Variants in BPIFB6 observed in about 807,000 individuals in gnomAD.
BPIFB6 encodes BPI fold-containing family B member 6.
BPIFB6 carries 47 observed loss-of-function variants against 54.7 expected under a neutral mutation model. The observed-to-expected ratio is 0.86, with a 90% confidence interval of 0.68 to 1.10. The LOEUF is 1.10. BPIFB6 is among the 50% of genes least tolerant of loss of function. The pLI is 0.00. For synonymous variants in BPIFB6, 255 were observed against 225.9 expected (o/e 1.13, Z -1.16); for missense variants, 603 against 564.1 (o/e 1.07, Z -0.70).
At chr20:33,041,807 G>A (rs1007123202) in intron 11 of BPIFB6, among the ~76,000 whole-genome samples, 163 bp from the exon 12 acceptor site, 2 of 152,174 alleles carry the variant, frequency 1.3e-5, no homozygotes, top group Non-Finnish European at 2.9e-5. Context: ...ATCACAGGTA[G>A]CAGGCAAGCA....
chr20:33,037,538 T>A, intron 7 of BPIFB6, 24 bp from the exon 8 acceptor site: 2 of 1,587,364 alleles, frequency 1.3e-6, no homozygotes. Context: ...CAAGGCTGAG[T>A]GTCTCCCTCC....
chr20:33,038,773 TTTAG>T, intron 8 of BPIFB6, 132 bp from the exon 9 acceptor site: 1 of 841,682 alleles, frequency 1.2e-6, no homozygotes. Context: ...AGGCACAATA[TTTAG>T]TTAAACTCAG....
chr20:33,043,412 G>A, intron 14 of BPIFB6, 45 bp downstream of exon 14: 2 of 1,553,252 alleles, frequency 1.3e-6, no homozygotes, highest in Non-Finnish European at 1.8e-6. Flanking sequence ...AACACTGTCA[G>A]CCAGTGAGTG....
At chr20:33,035,819 T>C in intron 6 of BPIFB6, 147 bp downstream of exon 6, 1 of 835,336 alleles carries the variant, frequency 1.2e-6, no homozygotes, top group East Asian at 2.6e-5. Flanking sequence ...ATCCCCCCAC[T>C]GTCCCGATGG....
chr20:33,036,324 C>CT, intron 6 of BPIFB6, 121 bp from the exon 7 acceptor site: 1 of 757,974 alleles, frequency 1.3e-6, no homozygotes, highest in Non-Finnish European at 2.3e-6. Context: ...CCCAGAAGTG[C>CT]TAAGGAATTT....
At position 33,039,477 on chromosome 20, in the gene BPIFB6, G is replaced by T. The variant is rs753717166; in HGVS notation, c.1031G>T (p.Arg344Leu). The change falls in exon 10 of 15, where the codon CGG (arginine) becomes CTG (leucine). Residue 344 changes from arginine (R) to leucine (L), a missense_variant. Physicochemically the swap from Arg to Leu is moderately radical, Grantham distance 102. Transcript: ENST00000349552. ...LHSTLEMFAARWRSKAPMSLF... is the reference protein window; with the variant it reads ...LHSTLEMFAALWRSKAPMSLF... ...AGCACCCTGGAGATGTTCGCAGCTC[G>T]GTGGCGGAGCAAGGCTCCAATGTCC... is the stretch of plus-strand genomic sequence containing the variant. The T allele has an allele frequency of 6.2e-7, 1 of 1,613,930 alleles. No homozygotes were observed. Among genetic ancestry groups the T allele is most frequent in the Non-Finnish European group, 8.5e-7 (1 of 1,179,912 alleles).
chr20:33,034,736 A>G, intron 3 of BPIFB6, 27 bp from the exon 4 acceptor site: 1 of 1,578,506 alleles, frequency 6.3e-7, no homozygotes, highest in East Asian at 2.3e-5. Context: ...AGAGATGCCC[A>G]TGGTGCCCTC....
intron 10 of BPIFB6, among the ~76,000 whole-genome samples, chr20:33,039,824 G>T (rs1207831332): frequency 1.3e-5 from 2 of 152,218 alleles, no homozygotes; most frequent in Non-Finnish European, 2.9e-5. Flanking sequence ...CCAATTTGGG[G>T]AAATCACAAA....
At position 33,039,375 on chromosome 20, in the gene BPIFB6, C is replaced by T. The variant is rs370022331; in HGVS notation, c.929C>T (p.Pro310Leu). The change falls in exon 10 of 15, where the codon CCC becomes CTC. Residue 310 changes from proline (P) to leucine (L), a missense_variant. Pro to Leu is a moderately conservative substitution (Grantham distance 98). Transcript: ENST00000349552. ...GCTGTAGCTTATCCCAAGTCAAAGC[C>T]CTTGACGACCCAGATCAAGATAAAG... The part of the protein sequence containing the change: ...EVAVAYPKSK[P>L]LTTQIKIKKP... 1.1e-5 allele frequency: 17 copies of T among 1,613,266 alleles called. No individual in the cohort carries two copies. The African/African-American group carries it at 2.0e-4, about 19-fold the overall frequency.
At chr20:33,041,893 CT>C (rs1240687883) in intron 11 of BPIFB6, 76 bp from the exon 12 acceptor site, 1 of 1,399,158 alleles carries the variant, frequency 7.1e-7, no homozygotes, top group Non-Finnish European at 1.0e-6. Flanking sequence ...TTGGGACCCC[CT>C]TCTCCAGCGC....
intron 8 of BPIFB6, 62 bp downstream of exon 8, chr20:33,037,800 GT>G: frequency 6.4e-7 from 1 of 1,563,658 alleles, no homozygotes. Flanking sequence ...TCCCTGCCTA[GT>G]TTTTCTATCA....
At chr20:33,043,704 A>G (rs1979687435) in intron 14 of BPIFB6, among the ~76,000 whole-genome samples, 1 of 152,242 alleles carries the variant, frequency 6.6e-6, no homozygotes, top group African/African-American at 2.4e-5. Flanking sequence ...CTAAAGGCAC[A>G]TAGTAAGTGC....
chr20:33,043,182 C>A (rs895526246), intron 13 of BPIFB6, 109 bp from the exon 14 acceptor site: 46 of 942,920 alleles, frequency 4.9e-5, no homozygotes, highest in African/African-American at 2.6e-4. Flanking sequence ...AGCTGGCAGG[C>A]ATCATGAATC....
intron 7 of BPIFB6, 84 bp downstream of exon 7, chr20:33,036,620 C>A: frequency 7.7e-7 from 1 of 1,306,122 alleles, no homozygotes; most frequent in Non-Finnish European, 1.1e-6. Context: ...GGACAGGTGG[C>A]TGGACTAGGG....
At position 33,033,549 on chromosome 20, in the gene BPIFB6, C is replaced by T. The variant is rs375349261; in HGVS notation, c.197+466C>T. 3.7e-5 allele frequency: 17 copies of T among 456,672 alleles called. No individual in the cohort carries two copies. In the East Asian group the frequency reaches 4.9e-4, roughly 13 times the overall value. 28.3% of individuals were successfully genotyped at this position (456,672 alleles called of 1,614,324 possible). A position where few individuals can be genotyped will look rare whatever the true frequency, so the allele number is the denominator to read the frequency against. On this transcript the variant is annotated intron_variant, in intron 2 of 14. Coordinates refer to ENST00000349552, the MANE Select transcript of BPIFB6 (RefSeq NM_174897.2). Reference sequence around the variant, plus strand: ...AGGGCTCTGAGGCACTGTCTGCACTCGGCAGGAACTAGGACTGTGATCAAC... The same window carrying T: ...AGGGCTCTGAGGCACTGTCTGCACTTGGCAGGAACTAGGACTGTGATCAAC...
intron 6 of BPIFB6, 23 bp downstream of exon 6, chr20:33,035,695 C>T: frequency 6.2e-7 from 1 of 1,609,020 alleles, no homozygotes; most frequent in Non-Finnish European, 8.5e-7. Flanking sequence ...CTACCCACAC[C>T]TTGCCCCTAC....
intron 5 of BPIFB6, 93 bp downstream of exon 5, chr20:33,035,237 T>G: frequency 7.6e-7 from 1 of 1,314,490 alleles, no homozygotes; most frequent in Admixed American, 1.8e-5. Flanking sequence ...CTGACCCTGA[T>G]TGACTGATAG....
At position 33,040,335 on chromosome 20, in the gene BPIFB6, C is replaced by T. The variant is rs778061761; in HGVS notation, c.1142+17C>T. On this transcript the variant is annotated intron_variant, in intron 11 of 14. Coordinates refer to ENST00000349552, the MANE Select transcript of BPIFB6 (RefSeq NM_174897.2). Reference sequence around the variant, plus strand: ...TTTGGACAGGTACGACCCTGCTGCCCAATGCTGGCATCCCTGTTACCTTCA... The same window carrying T: ...TTTGGACAGGTACGACCCTGCTGCCTAATGCTGGCATCCCTGTTACCTTCA... 1 of 1,611,868 alleles carries T rather than the reference C, an allele frequency of 6.2e-7. No individual in the cohort carries two copies.
rs781280049 is a variant in BPIFB6 at position 33,035,123 on chromosome 20, G to A, written c.495G>A (p.Leu165=). ...TCAACAAGTTCCTGGACAGCACCCT[G>A]CACAAAGTCCTCCCTGGGCTGGTGA... ...KMVNKFLDST[L]HKVLPGLMCP... Residue 165 remains leucine (L), a synonymous_variant, in exon 5 of 15, where the codon CTG becomes CTA. Coordinates refer to ENST00000349552, the MANE Select transcript of BPIFB6 (RefSeq NM_174897.2). 1.9e-6 allele frequency: 3 copies of A among 1,613,798 alleles called. No homozygotes were observed. Among genetic ancestry groups the A allele is most frequent in the Non-Finnish European group, 8.5e-7 (1 of 1,180,008 alleles).
Sources: gnomAD v4.1 joint callset for allele counts (sites outside exome capture counted in the v4.1 genomes callset) on GRCh38, gnomAD v4.1.1 for gene constraint, MANE v1.5 for transcripts, NCBI Gene and HGNC (gene_info 2026-07-23, HGNC 2026-07-21) for gene names.